Variants in CADM2 observed in about 807,000 individuals in gnomAD.
CADM2 encodes cell adhesion molecule 2, also known as immunoglobulin superfamily member 4D.
In CADM2, 12 loss-of-function variants were observed where a neutral mutation model predicts 49.8. The observed-to-expected ratio is 0.24, with a 90% CI of 0.15 to 0.39. The LOEUF (loss-of-function observed/expected upper bound fraction) is 0.39, where lower values mean the gene tolerates loss of function less well. CADM2 is among the 10% of genes least tolerant of loss of function. CADM2 has a pLI of 1.00. For missense variants in CADM2, 378 were observed against 492.3 expected (o/e 0.77, Z 2.20); for synonymous variants, 214 against 175.4 (o/e 1.22, Z -1.74).
Position 85,855,878 on chromosome 3 carries a change from G to A in CADM2, c.239-27413G>A, listed in dbSNP as rs1051782241. On this transcript the variant is annotated intron_variant, in intron 3 of 9. Coordinates refer to ENST00000383699, the MANE Select transcript of CADM2 (RefSeq NM_001167675.2). Reference sequence around the variant, plus strand: ...CCTGACCTCGTGATCAGCCTGCCTCGGCCTCCGAAAGTGCTGGGATTACAG... The same window carrying A: ...CCTGACCTCGTGATCAGCCTGCCTCAGCCTCCGAAAGTGCTGGGATTACAG... Among the ~76,000 whole-genome samples the A allele has an allele frequency of 2.6e-5, 4 of 151,684 alleles. 1 individual carries two copies. The highest frequency in any genetic ancestry group is 6.6e-5 in the Admixed American group (1 of 15,198).
At chr3:85,338,533 G>A (rs549961673) in intron 1 of CADM2, among the ~76,000 whole-genome samples, 200 of 151,536 alleles carry the variant, frequency 1.3e-3, no homozygotes, top group Non-Finnish European at 2.1e-3. Context: ...ATATAATATT[G>A]CAATAGGTTT....
intron 1 of CADM2, among the ~76,000 whole-genome samples, chr3:85,098,256 GAAAA>G (rs5850666): frequency 8.5e-6 from 1 of 117,476 alleles, no homozygotes. Context: ...CATTATCGTA[GAAAA>G]AAAAAAAAAA....
At chr3:85,265,450 T>C (rs1338551724) in intron 1 of CADM2, among the ~76,000 whole-genome samples, 1 of 151,964 alleles carries the variant, frequency 6.6e-6, no homozygotes, top group Non-Finnish European at 1.5e-5. Flanking sequence ...TCTTGTTGTG[T>C]TATTCTATGG....
chr3:85,776,934 A>G (rs2070388140), intron 2 of CADM2, among the ~76,000 whole-genome samples: 2 of 152,124 alleles, frequency 1.3e-5, no homozygotes, highest in Non-Finnish European at 2.9e-5. Context: ...GCTAAATAAT[A>G]TGACTTAATT....
chr3:85,195,168 T>G (rs956036519), intron 1 of CADM2, among the ~76,000 whole-genome samples: 1 of 152,162 alleles, frequency 6.6e-6, no homozygotes, highest in African/African-American at 2.4e-5. Flanking sequence ...ACATGATGTA[T>G]TGAGAAAGCA....
chr3:85,695,268 A>G (rs544231673), intron 1 of CADM2, among the ~76,000 whole-genome samples: 1 of 152,202 alleles, frequency 6.6e-6, no homozygotes, highest in South Asian at 2.1e-4. Flanking sequence ...TCGGGCTTTT[A>G]GTGTACCCAT....
At chr3:85,211,800 A>G (rs2041786534) in intron 1 of CADM2, among the ~76,000 whole-genome samples, 1 of 152,136 alleles carries the variant, frequency 6.6e-6, no homozygotes. Flanking sequence ...TCTATATGCT[A>G]TATAGTACAA....
At chr3:85,888,911 T>C (rs1161487240) in intron 5 of CADM2, among the ~76,000 whole-genome samples, 1 of 152,172 alleles carries the variant, frequency 6.6e-6, no homozygotes, top group Non-Finnish European at 1.5e-5. Context: ...TTCCTATTAC[T>C]ATCTAACTGT....
intron 1 of CADM2, among the ~76,000 whole-genome samples, chr3:85,090,684 G>A (rs545256955): frequency 2.4e-4 from 36 of 152,256 alleles, no homozygotes; most frequent in African/African-American, 8.7e-4. Flanking sequence ...CACATAGGAG[G>A]TGAGTGGCGG....
intron 1 of CADM2, among the ~76,000 whole-genome samples, chr3:85,139,814 A>C (rs2107625264): frequency 6.6e-6 from 1 of 152,276 alleles, no homozygotes; most frequent in African/African-American, 2.4e-5. Context: ...TTCCCTCTGA[A>C]ATGAGAGGTA....
chr3:85,178,208 G>A (rs750411068), intron 1 of CADM2, among the ~76,000 whole-genome samples: 49 of 151,726 alleles, frequency 3.2e-4, no homozygotes, highest in Non-Finnish European at 5.8e-4. Context: ...TTTGGCTAAC[G>A]CATATTTCAA....
chr3:85,877,189 G>A (rs961035391), intron 3 of CADM2, among the ~76,000 whole-genome samples: 3 of 152,112 alleles, frequency 2.0e-5, no homozygotes, highest in East Asian at 1.9e-4. Context: ...TAACCCATTC[G>A]CTTATTTTTA....
chr3:85,023,613 A>G (rs2034600130), intron 1 of CADM2, among the ~76,000 whole-genome samples: 2 of 152,102 alleles, frequency 1.3e-5, no homozygotes, highest in Non-Finnish European at 2.9e-5. Context: ...AGCCAAGAAT[A>G]TGAAGCATCT....
rs372185699 is a variant in CADM2, at chr3:85,269,371, T to C, written c.61+309703T>C. On this transcript the variant is annotated intron_variant, in intron 1 of 9. Coordinates refer to ENST00000383699, the MANE Select transcript of CADM2 (RefSeq NM_001167675.2). The stretch of plus-strand genomic sequence containing the variant: ...CTTGAAAAAATAAAATAGAAAAGTA[T>C]GTACTATAAAAATTTTCAGAAGGAA... 1.8e-3 allele frequency among the ~76,000 whole-genome samples: 268 copies of C among 151,478 alleles called. 1 individual carries two copies. The highest frequency in any genetic ancestry group is 6.2e-3 in the African/African-American group (258 of 41,470).
intron 1 of CADM2, among the ~76,000 whole-genome samples, chr3:85,272,550 T>C (rs182314755): frequency 2.0e-5 from 3 of 151,436 alleles, no homozygotes; most frequent in Admixed American, 1.3e-4. Context: ...TGATATTAAA[T>C]ACAGAAACTT....
In CADM2 at chr3:85,603,545, T is replaced by TC. The variant is rs200736357; in HGVS notation, c.62-122976dup. Among the ~76,000 whole-genome samples the TC allele has an allele frequency of 1.0e-3, 153 of 151,952 alleles. 1 individual carries two copies. Among genetic ancestry groups the TC allele is most frequent in the Middle Eastern group, 3.4e-3 (1 of 294 alleles). On this transcript the variant is annotated intron_variant, in intron 1 of 9. Coordinates refer to ENST00000383699, the MANE Select transcript of CADM2 (RefSeq NM_001167675.2). The stretch of plus-strand genomic sequence containing the variant: ...TGCTTGCTGTTACTGAACTAAACAT[T>TC]CTTTTTTTTCCCCAGGGGAAACAAA...
chr3:85,585,128 C>G (rs1316387803), intron 1 of CADM2, among the ~76,000 whole-genome samples: 1 of 151,948 alleles, frequency 6.6e-6, no homozygotes, highest in Admixed American at 6.6e-5. Context: ...CTCCATGCCT[C>G]TCGGATCCTG....
intron 3 of CADM2, among the ~76,000 whole-genome samples, chr3:85,848,813 G>T (rs1209727554): frequency 2.6e-5 from 4 of 152,096 alleles, no homozygotes; most frequent in African/African-American, 9.7e-5. Context: ...ACAACTTCAT[G>T]TTACTGACTA....
At chr3:85,851,574 C>T (rs542692268) in intron 3 of CADM2, among the ~76,000 whole-genome samples, 6 of 149,706 alleles carry the variant, frequency 4.0e-5, no homozygotes, top group South Asian at 4.3e-4. Flanking sequence ...AATTTAAGTC[C>T]GAGAATAAGC....
Sources: allele counts gnomAD v4.1 joint callset (sites outside exome capture counted in the v4.1 genomes callset), GRCh38; gene constraint gnomAD v4.1.1; transcripts MANE v1.5; gene names NCBI Gene and HGNC (gene_info 2026-07-23, HGNC 2026-07-21).